CHN2: variants seen among roughly 807,000 people sequenced by gnomAD.
CHN2 encodes the protein chimerin 2, also known as beta-chimaerin.
Under a neutral mutation model 56.3 loss-of-function variants are expected in CHN2, and 35 were observed. The ratio of observed to expected loss-of-function variants is 0.62; its 90% CI spans 0.47 to 0.82. The LOEUF (loss-of-function observed/expected upper bound fraction) is 0.82, where lower values mean the gene tolerates loss of function less well. Among genes scored for constraint, CHN2 ranks in the 40% least tolerant of loss-of-function variants. The pLI is 0.00. For synonymous variants in CHN2, 210 were observed against 212.8 expected, an observed-to-expected ratio of 0.99 and a Z score of 0.12; for missense variants, 491 against 580.5, an observed-to-expected ratio of 0.85 and a Z score of 1.58.
Position 29,398,378 on chromosome 7 carries a change from A to G in CHN2, c.182A>G (p.His61Arg). 6.2e-7 allele frequency: 1 copy of G among 1,611,530 alleles called. No individual in the cohort carries two copies. The highest frequency in any genetic ancestry group is 8.5e-7 in the Non-Finnish European group (1 of 1,178,608). Residue 61 changes from histidine to arginine, a missense_variant, in exon 5 of 13, where the codon CAT becomes CGT. By Grantham distance (29) the His-to-Arg change is conservative (BLOSUM62 0). Transcript: ENST00000222792. ...TGATGGTCTTGTACCTTCAGGTTTC[A>G]TGGGATCATCTCTCGGGAGCAGGCG... is the stretch of plus-strand genomic sequence containing the variant. ...NRPKYYGREF[H>R]GIISREQADE... is the part of the protein sequence containing the mutation.
Position 29,437,455 on chromosome 7 carries a change from G to A in CHN2, c.576+36627G>A, listed in dbSNP as rs925160581. On this transcript the variant is annotated intron_variant, in intron 6 of 12. Transcript: ENST00000222792. ...CTACTAAAAATACAAAAAATTAGCC[G>A]GGCGTGGTGGCGGGCGCCTGTAGTC... Among the ~76,000 whole-genome samples, 82 of 130,774 alleles carry A rather than the reference G, an allele frequency of 6.3e-4. 13 individuals are homozygous for A. The highest frequency in any genetic ancestry group is 7.5e-4 in the Non-Finnish European group (47 of 62,742). 85.8% of individuals were successfully genotyped at this position (130,774 alleles called of 152,430 possible). A position where few individuals can be genotyped will look rare whatever the true frequency, so the allele number is the denominator to read the frequency against.
intron 1 of CHN2, among the ~76,000 whole-genome samples, chr7:29,327,922 A>G (rs529336247): frequency 6.6e-6 from 1 of 152,330 alleles, no homozygotes; most frequent in South Asian, 2.1e-4. Context: ...GAAAATGGGT[A>G]AGACAAAAAA....
intron 1 of CHN2, among the ~76,000 whole-genome samples, chr7:29,265,906 A>C (rs1790099969): frequency 6.6e-6 from 1 of 152,200 alleles, no homozygotes. Context: ...CACCTCAAGA[A>C]GACCCAGTAC....
intron 2 of CHN2, among the ~76,000 whole-genome samples, chr7:29,163,289 A>G (rs1467535224): frequency 6.6e-6 from 1 of 152,174 alleles, no homozygotes; most frequent in Non-Finnish European, 1.5e-5. Context: ...TATGAAAAAC[A>G]TTGTAAAATA....
intron 2 of CHN2, among the ~76,000 whole-genome samples, chr7:29,159,043 A>C (rs1794816087): frequency 1.3e-5 from 2 of 152,254 alleles, no homozygotes; most frequent in South Asian, 4.1e-4. Flanking sequence ...AGAGAAAATT[A>C]AAACCTAGCC....
intron 1 of CHN2, among the ~76,000 whole-genome samples, chr7:29,231,099 C>T (rs1786665443): frequency 6.6e-6 from 1 of 152,146 alleles, no homozygotes; most frequent in African/African-American, 2.4e-5. Context: ...GGACACGAAA[C>T]AGTTCCAATA....
intron 1 of CHN2, among the ~76,000 whole-genome samples, chr7:29,344,535 G>A (rs1797278769): frequency 6.6e-6 from 1 of 152,074 alleles, no homozygotes; most frequent in African/African-American, 2.4e-5. Flanking sequence ...GCCATGTCCT[G>A]TCTTGCCTCT....
At chr7:29,411,206 G>A (rs932432731) in intron 6 of CHN2, among the ~76,000 whole-genome samples, 8 of 152,160 alleles carry the variant, frequency 5.3e-5, no homozygotes, top group Non-Finnish European at 1.0e-4. Flanking sequence ...AGGAGCCACC[G>A]ACTGGGTCTC....
chr7:29,417,711 A>G (rs1175845268), intron 6 of CHN2, among the ~76,000 whole-genome samples: 2 of 152,226 alleles, frequency 1.3e-5, no homozygotes, highest in African/African-American at 2.4e-5. Flanking sequence ...CCTGGTAAGA[A>G]TAACACAGTT....
Position 29,363,547 on chromosome 7 carries a change from A to G in CHN2, c.89-4385A>G, listed in dbSNP as rs187365478. On this transcript the variant is annotated intron_variant, in intron 2 of 12. Coordinates refer to ENST00000222792, the MANE Select transcript of CHN2 (RefSeq NM_004067.4). Reference sequence around the variant, plus strand: ...CCAAGCACAGTTCTAGTTGCTGGGGATTCTGCAGTGCACAGAACAACATCC... The same window carrying G: ...CCAAGCACAGTTCTAGTTGCTGGGGGTTCTGCAGTGCACAGAACAACATCC... Among the ~76,000 whole-genome samples, 26 of 152,328 alleles carry G rather than the reference A, an allele frequency of 1.7e-4. No individual in the cohort carries two copies. In the East Asian group the frequency reaches 4.6e-3, roughly 27 times the overall value.
intron 2 of CHN2, among the ~76,000 whole-genome samples, chr7:29,357,798 C>T (rs989156288): frequency 6.6e-6 from 1 of 152,162 alleles, no homozygotes; most frequent in African/African-American, 2.4e-5. Context: ...GATACCATTT[C>T]TTGATATGAA....
chr7:29,354,509 C>A, intron 1 of CHN2, 116 bp from the exon 2 acceptor site: 1 of 848,260 alleles, frequency 1.2e-6, no homozygotes. Flanking sequence ...GAAGAGAGTC[C>A]CCCTGAGACC....
At position 29,435,114 on chromosome 7, in the gene CHN2, A is replaced by G. The variant is rs969757368; in HGVS notation, c.576+34286A>G. Among the ~76,000 whole-genome samples, 6 of 152,260 alleles carry G rather than the reference A, an allele frequency of 3.9e-5. No homozygotes were observed. In the South Asian group the frequency reaches 1.2e-3, roughly 32 times the overall value. ...CTCAAAAAAGAAACAAAAACAAGCA[A>G]ACAAACAAAAAAACCAACCAGATCA... On this transcript the variant is annotated intron_variant, in intron 6 of 12. Transcript: ENST00000222792.
At chr7:29,512,129 GCCCTT>G (rs895931141) in intron 12 of CHN2, among the ~76,000 whole-genome samples, 8 of 151,620 alleles carry the variant, frequency 5.3e-5, no homozygotes, top group African/African-American at 1.9e-4. Context: ...GAGGGATCCT[GCCCTT>G]CCCTTCCCAC....
intron 6 of CHN2, among the ~76,000 whole-genome samples, chr7:29,417,155 C>T (rs978357270): frequency 3.3e-5 from 5 of 152,190 alleles, no homozygotes; most frequent in Admixed American, 6.5e-5. Context: ...CTGCGCCTCA[C>T]TCAGTTCTGT....
intron 1 of CHN2, among the ~76,000 whole-genome samples, chr7:29,269,187 C>G (rs13240619): frequency 0.17 from 25,908 of 152,088 alleles, 2,518 homozygotes; most frequent in Non-Finnish European, 0.22. Flanking sequence ...CCGTGAACCT[C>G]TCTTTATTCC....
chr7:29,245,325 A>G (rs1168534774), intron 1 of CHN2, among the ~76,000 whole-genome samples: 1 of 152,222 alleles, frequency 6.6e-6, no homozygotes, highest in African/African-American at 2.4e-5. Context: ...GGTAGTGAAC[A>G]TTTCTTTAAA....
chr7:29,212,897 C>T (rs1295826992), intron 1 of CHN2: 1 of 1,610,660 alleles, frequency 6.2e-7, no homozygotes, highest in Non-Finnish European at 8.5e-7. Flanking sequence ...AGCAACCAGA[C>T]CTGGAACAAT....
At chr7:29,212,925 G>A in intron 1 of CHN2, 1 of 1,559,142 alleles carries the variant, frequency 6.4e-7, no homozygotes, top group Non-Finnish European at 8.8e-7. Context: ...GGAGCAACCA[G>A]ACCCAGAACA....
Sources: gnomAD v4.1 joint callset for allele counts (sites outside exome capture counted in the v4.1 genomes callset) on GRCh38, gnomAD v4.1.1 for gene constraint, MANE v1.5 for transcripts, NCBI Gene and HGNC (gene_info 2026-07-23, HGNC 2026-07-21) for gene names.